The following PAWR variants were observed in gnomAD, a reference collection of about 807,000 sequenced individuals.
The protein encoded by PAWR is PRKC apoptosis WT1 regulator protein.
In PAWR, 23 loss-of-function variants were observed where a neutral mutation model predicts 32.0. That is an observed-to-expected ratio of 0.72 (90% CI 0.52 to 1.02). The LOEUF is 1.02. PAWR is among the 50% of genes least tolerant of loss of function. The pLI, the probability that PAWR is intolerant of heterozygous loss-of-function variation, is 0.00. For missense variants in PAWR, 457 were observed against 437.7 expected (o/e 1.04, Z -0.39); for synonymous variants, 226 against 187.1 (o/e 1.21, Z -1.70).
At chr12:79,644,413 A>G (rs1876474806) in intron 2 of PAWR, among the ~76,000 whole-genome samples, 3 of 152,178 alleles carry the variant, frequency 2.0e-5, no homozygotes, top group Non-Finnish European at 4.4e-5. Flanking sequence ...GTATTCATTT[A>G]CATACCTCTC....
At position 79,648,617 on chromosome 12, in the gene PAWR, TA is replaced by T. The variant is rs1170404778; in HGVS notation, c.517-27411del. Among the ~76,000 whole-genome samples, 669 of 108,312 alleles carry T rather than the reference TA, an allele frequency of 6.2e-3. 4 individuals carry two copies. The highest frequency in any genetic ancestry group is 0.015 in the African/African-American group (431 of 28,040). The allele number at this position is 108,312 out of a possible 152,430, so 71.1% of individuals were successfully genotyped here. A position where few individuals can be genotyped will look rare whatever the true frequency, so the allele number is the denominator to read the frequency against. On this transcript the variant is annotated intron_variant, in intron 2 of 6. Transcript: ENST00000328827. ...GGGCAACATAATGAGACCCTGTCTC[TA>T]AAAAAAAAAAAAAAAAAAAAATTAG...
At chr12:79,609,463 T>C (rs1424035690) in intron 4 of PAWR, among the ~76,000 whole-genome samples, 1 of 152,018 alleles carries the variant, frequency 6.6e-6, no homozygotes, top group African/African-American at 2.4e-5. Context: ...AGTGAGAACA[T>C]GCATCCCTGT....
intron 4 of PAWR, among the ~76,000 whole-genome samples, chr12:79,606,670 G>C (rs1249367761): frequency 1.3e-5 from 2 of 152,060 alleles, no homozygotes; most frequent in South Asian, 4.2e-4. Context: ...CAGTCATTTG[G>C]AGTTTAAATA....
At chr12:79,601,189 A>C (rs1873947248) in intron 4 of PAWR, among the ~76,000 whole-genome samples, 1 of 151,528 alleles carries the variant, frequency 6.6e-6, no homozygotes, top group Non-Finnish European at 1.5e-5. Context: ...AGGCTGAAAA[A>C]GCAAGCAGGA....
intron 2 of PAWR, among the ~76,000 whole-genome samples, chr12:79,626,266 T>C (rs537695077): frequency 4.0e-4 from 56 of 139,920 alleles, no homozygotes; most frequent in African/African-American, 1.2e-3. Context: ...ATGAAATGAC[T>C]TTTTTTTTTT....
In PAWR at chr12:79,625,744, C is replaced by T. The variant is rs143536218; in HGVS notation, c.517-4537G>A. Among the ~76,000 whole-genome samples, 685 of 151,794 alleles carry T rather than the reference C, an allele frequency of 4.5e-3. 13 individuals carry two copies. The highest frequency in any genetic ancestry group is 0.015 in the African/African-American group (640 of 41,390). ...CTAAGGCAGGAGAATGTCGCGAACG[C>T]GGGAGGCAGAGCTTGCAGTGAGCCG... On this transcript the variant is annotated intron_variant, in intron 2 of 6. Coordinates refer to ENST00000328827, the MANE Select transcript of PAWR (RefSeq NM_002583.4).
At chr12:79,614,307 G>A (rs1307815020) in intron 3 of PAWR, among the ~76,000 whole-genome samples, 1 of 150,078 alleles carries the variant, frequency 6.7e-6, no homozygotes, top group African/African-American at 2.5e-5. Flanking sequence ...ACTGCGCCCG[G>A]CCTTATAGTC....
In PAWR at chr12:79,651,205, G is replaced by T. The variant is rs187210657; in HGVS notation, c.517-29998C>A. Among the ~76,000 whole-genome samples the T allele has an allele frequency of 7.9e-3, 1,197 of 151,970 alleles. 10 individuals carry two copies. Among genetic ancestry groups the T allele is most frequent in the Non-Finnish European group, 0.014 (952 of 67,978 alleles). On this transcript the variant is annotated intron_variant, in intron 2 of 6. Transcript: ENST00000328827. ...AAAAATTTCTAAAATAAAGCAAAAG[G>T]TTACATTTCTAAACTTTATTTTTCT...
chr12:79,673,726 T>C (rs765119489), intron 2 of PAWR, among the ~76,000 whole-genome samples: 1 of 152,216 alleles, frequency 6.6e-6, no homozygotes, highest in Non-Finnish European at 1.5e-5. Flanking sequence ...TAATATACTT[T>C]ATGGTAGCAT....
At chr12:79,609,515 C>T (rs1403001317) in intron 4 of PAWR, among the ~76,000 whole-genome samples, 2 of 151,958 alleles carry the variant, frequency 1.3e-5, no homozygotes, top group African/African-American at 2.4e-5. Flanking sequence ...CACCCATGGC[C>T]CGTCCTGCTC....
chr12:79,676,902 C>A (rs1183857190), intron 2 of PAWR, among the ~76,000 whole-genome samples: 1 of 152,200 alleles, frequency 6.6e-6, no homozygotes, highest in African/African-American at 2.4e-5. Context: ...ACAAAATTAC[C>A]TGGACCATTC....
chr12:79,608,916 G>A (rs1005977254), intron 4 of PAWR, among the ~76,000 whole-genome samples: 3 of 152,026 alleles, frequency 2.0e-5, no homozygotes, highest in Admixed American at 6.6e-5. Flanking sequence ...ATGGTGGCAG[G>A]TGCCTTTAAT....
intron 6 of PAWR, 120 bp from the exon 7 acceptor site, chr12:79,592,813 C>A: frequency 1.8e-6 from 1 of 545,848 alleles, no homozygotes; most frequent in Non-Finnish European, 3.2e-6. Flanking sequence ...AGGGCAAGCT[C>A]TGAAAACAAC....
At position 79,690,935 on chromosome 12, in the gene PAWR, T is replaced by G. The variant is rs1010732024; in HGVS notation, c.-211A>C. On this transcript the variant is annotated 5_prime_UTR_variant, in exon 1 of 7. Transcript: ENST00000328827. The stretch of plus-strand genomic sequence containing the variant: ...ATCCGGCTCCCAGGTGTGCCGAAGC[T>G]GGCGCGCGCTCTTCCGCCGCGCGGA... 1 of 147,528 alleles carries G rather than the reference T, an allele frequency of 6.8e-6. No individual in the cohort carries two copies. The highest frequency in any genetic ancestry group is 2.5e-5 in the African/African-American group (1 of 40,208). 9.1% of individuals were successfully genotyped at this position (147,528 alleles called of 1,614,324 possible). A position where few individuals can be genotyped will look rare whatever the true frequency, so the allele number is the denominator to read the frequency against.
At chr12:79,613,945 A>G (rs868557509) in intron 3 of PAWR, among the ~76,000 whole-genome samples, 1 of 4,368 alleles carries the variant, frequency 2.3e-4, no homozygotes, top group African/African-American at 1.1e-3. Context: ...ATATATATAT[A>G]TATATATATA....
intron 2 of PAWR, among the ~76,000 whole-genome samples, chr12:79,642,407 T>C (rs1030075754): frequency 1.3e-5 from 2 of 152,182 alleles, no homozygotes; most frequent in African/African-American, 4.8e-5. Flanking sequence ...TTGCTGCCAT[T>C]AAAAAATACC....
At chr12:79,661,148 C>A (rs77636855) in intron 2 of PAWR, among the ~76,000 whole-genome samples, 1,661 of 149,818 alleles carry the variant, frequency 0.011, 10 homozygotes, top group Non-Finnish European at 0.015. Flanking sequence ...ACTGGGGAGG[C>A]TGAGGCAGGG....
At position 79,613,650 on chromosome 12, in the gene PAWR, T is replaced by C. The variant is rs373496338; in HGVS notation, c.649-41A>G. On this transcript the variant is annotated intron_variant, in intron 3 of 6. Transcript: ENST00000328827. ...AATTATGTATCAGTTTGAGTATGTA[T>C]GTACACAATTACTTATTATATAAAA... The C allele has an allele frequency of 6.5e-6, 7 of 1,083,430 alleles. No homozygotes were observed. In the African/African-American group the frequency reaches 9.3e-5, roughly 14 times the overall value. The allele number at this position is 1,083,430 out of a possible 1,614,324, so 67.1% of individuals were successfully genotyped here.
chr12:79,613,564 A>C lies in PAWR; in HGVS notation c.683+11T>G. ...ATGTCTACAATATGTTTAAGTCATAAGGATTCTTACCTTTTATATCTGCCT... is the reference window on the plus strand; with the variant it reads ...ATGTCTACAATATGTTTAAGTCATACGGATTCTTACCTTTTATATCTGCCT... On this transcript the variant is annotated intron_variant, in intron 4 of 6. Coordinates refer to ENST00000328827, the MANE Select transcript of PAWR (RefSeq NM_002583.4). The C allele has an allele frequency of 6.9e-7, 1 of 1,454,478 alleles. No homozygotes were observed. Among genetic ancestry groups the C allele is most frequent in the Non-Finnish European group, 9.6e-7 (1 of 1,041,356 alleles). 90.1% of individuals were successfully genotyped at this position (1,454,478 alleles called of 1,614,324 possible). A position where few individuals can be genotyped will look rare whatever the true frequency, so the allele number is the denominator to read the frequency against.
Sources: allele counts gnomAD v4.1 joint callset (sites outside exome capture counted in the v4.1 genomes callset), GRCh38; gene constraint gnomAD v4.1.1; transcripts MANE v1.5; gene names NCBI Gene and HGNC (gene_info 2026-07-23, HGNC 2026-07-21).